FREM3: variants seen among roughly 807,000 people sequenced by gnomAD.
The protein encoded by FREM3 is FRAS1-related extracellular matrix protein 3.
A neutral mutation model predicts 129.1 loss-of-function variants in FREM3; 105 were observed. The observed-to-expected ratio is 0.81, with a 90% CI of 0.69 to 0.96. The LOEUF is 0.96. FREM3 is among the 40% of genes least tolerant of loss of function. FREM3 has a pLI of 0.00. For synonymous variants in FREM3, 1,014 were observed against 1,044.9 expected (o/e 0.97, Z 0.57); for missense variants, 2,593 against 2,666.3 (o/e 0.97, Z 0.61).
chr4:143,611,184 A>G, intron 6 of FREM3, 95 bp downstream of exon 6: 1 of 1,322,636 alleles, frequency 7.6e-7, no homozygotes, highest in Non-Finnish European at 1.0e-6. Context: ...TATTCTTTTA[A>G]AAGATAATTT....
intron 2 of FREM3, among the ~76,000 whole-genome samples, chr4:143,629,281 A>G (rs1005112657): frequency 9.2e-5 from 14 of 152,152 alleles, no homozygotes; most frequent in African/African-American, 3.1e-4. Flanking sequence ...GGGAACCATG[A>G]GCATGGAAAG....
At chr4:143,675,657 G>A (rs2149857243) in intron 2 of FREM3, among the ~76,000 whole-genome samples, 1 of 152,144 alleles carries the variant, frequency 6.6e-6, no homozygotes, top group East Asian at 1.9e-4. Flanking sequence ...GACTAATAAA[G>A]AAAGAAAGAG....
chr4:143,697,845 C>T lies in FREM3; in HGVS notation c.2831G>A (p.Arg944Lys), dbSNP rs1740605577. The T allele has an allele frequency of 1.3e-6, 2 of 1,537,536 alleles. No individual in the cohort carries two copies. The highest frequency in any genetic ancestry group is 2.4e-5 in the South Asian group (2 of 84,052). The change falls in exon 1 of 8, where the codon AGG (arginine) becomes AAG (lysine). Residue 944 changes from arginine to lysine, a missense_variant. Arg to Lys is a conservative substitution (Grantham distance 26). Around this residue, in one of 2 missense-constraint regions of FREM3, gnomAD observed 2,276 missense variants for 2,267.2 expected, o/e 1.00. Coordinates refer to ENST00000329798, the MANE Select transcript of FREM3 (RefSeq NM_001168235.2). ...TAATGAACTACTTCTGAGAGAGATCCTAGGACTTCTGTTAGCCACATTGGG... is the reference window on the plus strand; with the variant it reads ...TAATGAACTACTTCTGAGAGAGATCTTAGGACTTCTGTTAGCCACATTGGG... ...VHPNVANRSP[R>K]ISLRSSSLLD...
chr4:143,622,775 G>T (rs766512261), intron 4 of FREM3, among the ~76,000 whole-genome samples: 5 of 152,140 alleles, frequency 3.3e-5, no homozygotes, highest in Non-Finnish European at 7.4e-5. Context: ...AATCTGGAAA[G>T]CCTGTTTCTA....
At chr4:143,668,380 A>G (rs1460891508) in intron 2 of FREM3, among the ~76,000 whole-genome samples, 1 of 152,242 alleles carries the variant, frequency 6.6e-6, no homozygotes, top group Admixed American at 6.5e-5. Context: ...GCCACACTGC[A>G]TAACAATACA....
intron 2 of FREM3, among the ~76,000 whole-genome samples, chr4:143,655,886 T>C (rs1438179092): frequency 6.6e-6 from 1 of 152,168 alleles, no homozygotes; most frequent in East Asian, 1.9e-4. Context: ...TCAGTGCTTG[T>C]ATTAATATAA....
chr4:143,676,947 C>A (rs573071060), intron 2 of FREM3, among the ~76,000 whole-genome samples: 1 of 152,182 alleles, frequency 6.6e-6, no homozygotes, highest in East Asian at 1.9e-4. Context: ...GAATTAATAT[C>A]GTGAAAATGG....
Position 143,698,079 on chromosome 4 carries a change from A to G in FREM3, c.2597T>C (p.Phe866Ser), listed in dbSNP as rs1180019834. Residue 866 changes from phenylalanine (F) to serine (S), a missense_variant, in exon 1 of 8, where the codon TTC becomes TCC. This residue lies in a region of FREM3 where 2,276 missense variants were observed against 2,267.2 expected (regional missense o/e 1.00). Transcript: ENST00000329798. The part of the protein sequence containing the change: ...DPDTDIDQIV[F>S]ILVRGPQHGH... ...ATGTTGGGGACCCCGGACTAATATG[A>G]AGACAATTTGGTCAATGTCTGTGTC... 18 of 1,537,260 alleles carry G rather than the reference A, an allele frequency of 1.2e-5. No individual in the cohort carries two copies. Among genetic ancestry groups the G allele is most frequent in the Non-Finnish European group, 1.5e-5 (17 of 1,146,948 alleles).
At chr4:143,583,167 C>A (rs1259299492) in intron 7 of FREM3, among the ~76,000 whole-genome samples, 1 of 152,008 alleles carries the variant, frequency 6.6e-6, no homozygotes, top group Non-Finnish European at 1.5e-5. Flanking sequence ...CTGTGCCGGG[C>A]CAATTGCAAG....
intron 4 of FREM3, among the ~76,000 whole-genome samples, chr4:143,622,809 T>C (rs1369898391): frequency 1.3e-5 from 2 of 152,198 alleles, no homozygotes; most frequent in Non-Finnish European, 2.9e-5. Context: ...AAAAATCCCA[T>C]TTACTTTTCA....
intron 6 of FREM3, among the ~76,000 whole-genome samples, chr4:143,588,189 C>T (rs1357697432): frequency 1.3e-5 from 2 of 152,076 alleles, no homozygotes; most frequent in Admixed American, 6.6e-5. Context: ...TGATTTAGCA[C>T]CTCTTTAAAA....
intron 2 of FREM3, among the ~76,000 whole-genome samples, chr4:143,684,110 G>T (rs1361562727): frequency 6.6e-6 from 1 of 152,126 alleles, no homozygotes; most frequent in African/African-American, 2.4e-5. Flanking sequence ...AATCTTGGGG[G>T]TTCTAGGACC....
chr4:143,637,503 C>A (rs1224605258), intron 2 of FREM3, among the ~76,000 whole-genome samples: 1 of 152,076 alleles, frequency 6.6e-6, no homozygotes, highest in East Asian at 1.9e-4. Context: ...AGTTCCATTT[C>A]TCAGGCTTTT....
chr4:143,603,479 G>T (rs1361980778), intron 6 of FREM3, among the ~76,000 whole-genome samples: 1 of 152,112 alleles, frequency 6.6e-6, no homozygotes, highest in Non-Finnish European at 1.5e-5. Flanking sequence ...CCTCACGTGT[G>T]AAATGCCAAA....
intron 6 of FREM3, among the ~76,000 whole-genome samples, chr4:143,606,941 T>G (rs763453481): frequency 1.2e-4 from 18 of 152,252 alleles, no homozygotes; most frequent in Non-Finnish European, 2.5e-4. Flanking sequence ...AGAAAAATTT[T>G]CTTAAGTTCG....
chr4:143,697,580 G>A lies in FREM3; in HGVS notation c.3096C>T (p.His1032=), dbSNP rs1256569155. 6.5e-6 allele frequency: 10 copies of A among 1,537,568 alleles called. No homozygotes were observed. The highest frequency in any genetic ancestry group is 3.9e-5 in the Admixed American group (2 of 51,006). The change falls in exon 1 of 8, where the codon CAC becomes CAT. Residue 1032 remains histidine (H), a synonymous_variant. Coordinates refer to ENST00000329798, the MANE Select transcript of FREM3 (RefSeq NM_001168235.2). ...TGGAGAGGATGAGGCTGAAGGCATC[G>A]TGCTGCTTTTGAAAACCAACTTCAC... ...TAGEVGFQKQ[H]DAFSLILSKD...
chr4:143,651,446 G>A (rs1350001101), intron 2 of FREM3, among the ~76,000 whole-genome samples: 1 of 152,210 alleles, frequency 6.6e-6, no homozygotes, highest in African/African-American at 2.4e-5. Flanking sequence ...GGATAAGATG[G>A]TTCAGAGTTT....
intron 6 of FREM3, among the ~76,000 whole-genome samples, chr4:143,610,923 A>T (rs918597307): frequency 6.6e-6 from 1 of 152,042 alleles, no homozygotes; most frequent in Non-Finnish European, 1.5e-5. Context: ...GTGAGGGATG[A>T]TCCTTGTGCT....
intron 6 of FREM3, among the ~76,000 whole-genome samples, chr4:143,609,934 C>T (rs1738726847): frequency 6.6e-6 from 1 of 152,224 alleles, no homozygotes; most frequent in Non-Finnish European, 1.5e-5. Flanking sequence ...CTGTTGGACA[C>T]TTCCTCCTAT....
Sources: gnomAD v4.1 joint callset for allele counts (sites outside exome capture counted in the v4.1 genomes callset) on GRCh38, gnomAD v4.1.1 for gene constraint, gnomAD v4.1.1 regional missense constraint, MANE v1.5 for transcripts, NCBI Gene and HGNC (gene_info 2026-07-23, HGNC 2026-07-21) for gene names.